Variants in ITGAL observed in about 807,000 individuals in gnomAD.
The protein encoded by ITGAL is integrin alpha-L.
A neutral mutation model predicts 138.4 loss-of-function variants in ITGAL; 68 were observed. That is an observed-to-expected ratio of 0.49 (90% CI 0.40 to 0.60). The LOEUF is 0.60. ITGAL is among the 20% of genes least tolerant of loss of function. The probability of loss-of-function intolerance (pLI) is 0.00; values close to 1 mark genes in which losing one functional copy is unlikely to be tolerated. For missense variants in ITGAL, 1,256 were observed against 1,478.6 expected, an observed-to-expected ratio of 0.85 and a Z score of 2.47; for synonymous variants, 561 against 584.3, an observed-to-expected ratio of 0.96 and a Z score of 0.57.
At position 30,499,711 on chromosome 16, in the gene ITGAL, A is replaced by ATATATATG. The variant is rs1555507156; in HGVS notation, c.2145+223_2145+224insATATATGT. The stretch of plus-strand genomic sequence containing the variant: ...TGTATATATATGTGTATATATATAT[A>ATATATATG]TGTATATATATATATATATATATTT... On this transcript the variant is annotated intron_variant, in intron 17 of 30. Transcript: ENST00000356798. 1.1e-4 allele frequency among the ~76,000 whole-genome samples: 10 copies of ATATATATG among 93,828 alleles called. No homozygotes were observed. In the East Asian group the frequency reaches 5.9e-3, roughly 55 times the overall value. The allele number at this position is 93,828 out of a possible 152,430, so 61.6% of individuals were successfully genotyped here. A position where few individuals can be genotyped will look rare whatever the true frequency, so the allele number is the denominator to read the frequency against.
chr16:30,482,039 G>A (rs538119348), intron 7 of ITGAL, among the ~76,000 whole-genome samples: 15 of 152,170 alleles, frequency 9.9e-5, no homozygotes, highest in Admixed American at 7.2e-4. Flanking sequence ...TTACAGACCT[G>A]TGCCACCACG....
At chr16:30,485,451 T>TCCC (rs2050633073) in intron 9 of ITGAL, among the ~76,000 whole-genome samples, 1 of 152,152 alleles carries the variant, frequency 6.6e-6, no homozygotes, top group Admixed American at 6.6e-5. Flanking sequence ...GATCTCGATC[T>TCCC]GACCTCGTGA....
chr16:30,477,328 G>T, intron 4 of ITGAL: 2 of 152,196 alleles, frequency 1.3e-5, no homozygotes, highest in South Asian at 4.1e-4. Context: ...AAAGCTGGAG[G>T]ATTGCTTGAG....
Position 30,494,287 on chromosome 16 carries a change from T to A in ITGAL, c.1289T>A (p.Met430Lys), listed in dbSNP as rs780445782. The A allele has an allele frequency of 1.1e-5, 17 of 1,613,488 alleles. No homozygotes were observed. The highest frequency in any genetic ancestry group is 1.3e-5 in the African/African-American group (1 of 74,908). The part of the protein sequence containing the change: ...LASGAPRYQH[M>K]GRVLLFQEPQ... The stretch of plus-strand genomic sequence containing the variant: ...TCGGGAGCCCCTCGATACCAGCACA[T>A]GGGCCGAGTGCTGCTGTTCCAAGAG... Residue 430 changes from methionine to lysine, a missense_variant, in exon 12 of 31, where the codon ATG becomes AAG. Physicochemically the swap from Met to Lys is moderately conservative, Grantham distance 95. Coordinates refer to ENST00000356798, the MANE Select transcript of ITGAL (RefSeq NM_002209.3). This position sits in a 1 kb window ranked among gnomAD's most constrained non-coding sequence, Gnocchi z 4.2.
At chr16:30,505,331 C>T in intron 19 of ITGAL, 31 bp downstream of exon 19, 1 of 1,613,184 alleles carries the variant, frequency 6.2e-7, no homozygotes, top group South Asian at 1.1e-5. Context: ...GGCAGAGAGG[C>T]CTGGGAACAA....
chr16:30,504,490 G>A (rs780069555), intron 18 of ITGAL, among the ~76,000 whole-genome samples: 3 of 151,968 alleles, frequency 2.0e-5, no homozygotes, highest in African/African-American at 7.3e-5. Context: ...TGCACTTGAG[G>A]CCAGGAGTTT....
chr16:30,473,826 G>T, intron 1 of ITGAL: 1 of 431,972 alleles, frequency 2.3e-6, no homozygotes, highest in Non-Finnish European at 4.6e-6. Flanking sequence ...CAGGAGAAGT[G>T]GGTGGCAGAG....
chr16:30,492,256 T>C (rs1285113472), intron 11 of ITGAL, among the ~76,000 whole-genome samples: 5 of 9,884 alleles, frequency 5.1e-4, no homozygotes, highest in Non-Finnish European at 6.4e-4. Context: ...CTTTTTTTTC[T>C]TTTTTTTTTT....
In ITGAL at chr16:30,506,813, A is replaced by G. The variant is rs1185635136; in HGVS notation, c.2465A>G (p.His822Arg). The G allele has an allele frequency of 6.2e-7, 1 of 1,613,680 alleles. No homozygotes were observed. Among genetic ancestry groups the G allele is most frequent in the East Asian group, 2.2e-5 (1 of 44,874 alleles). The change falls in exon 21 of 31, where the codon CAC (histidine) becomes CGC (arginine). Residue 822 changes from histidine to arginine, a missense_variant. By Grantham distance (29) the His-to-Arg change is conservative. Around this residue, in one of 3 missense-constraint regions of ITGAL, gnomAD observed 867 missense variants for 972.5 expected, o/e 0.89. Transcript: ENST00000356798. ...GCTTACTGGGTCCAGCTGGACCTGCACTTCCCCCCGGGACTCTCCTTCCGC... is the reference window on the plus strand; with the variant it reads ...GCTTACTGGGTCCAGCTGGACCTGCGCTTCCCCCCGGGACTCTCCTTCCGC... ...EDAYWVQLDL[H>R]FPPGLSFRKV...
chr16:30,507,640 ACT>A (rs2051023808), intron 21 of ITGAL, among the ~76,000 whole-genome samples: 1 of 150,104 alleles, frequency 6.7e-6, no homozygotes, highest in Non-Finnish European at 1.5e-5. Context: ...ATAGAGCAAG[ACT>A]CCATCTCAAA....
chr16:30,507,004 G>C (rs377109140), intron 21 of ITGAL, 148 bp downstream of exon 21: 6 of 825,940 alleles, frequency 7.3e-6, no homozygotes, highest in Non-Finnish European at 3.8e-6. Flanking sequence ...TCCCAGCCTC[G>C]AGCTGTATGA....
intron 11 of ITGAL, among the ~76,000 whole-genome samples, chr16:30,493,344 A>C (rs907505585): frequency 6.6e-6 from 1 of 151,146 alleles, no homozygotes; most frequent in Non-Finnish European, 1.5e-5. Context: ...TAGTAGCGAA[A>C]TCTCAGCTCG....
At position 30,517,042 on chromosome 16, in the gene ITGAL, C is replaced by T. The variant is rs1183810811; in HGVS notation, c.2932C>T (p.Pro978Ser). 6.2e-7 allele frequency: 1 copy of T among 1,613,438 alleles called. No homozygotes were observed. The highest frequency in any genetic ancestry group is 8.5e-7 in the Non-Finnish European group (1 of 1,179,612). Residue 978 changes from proline (P) to serine (S), a missense_variant, in exon 26 of 31, where the codon CCT becomes TCT. This residue lies in a region of ITGAL where 867 missense variants were observed against 972.5 expected (regional missense o/e 0.89). Transcript: ENST00000356798. ...TLEAVVGVPQ[P>S]PSEGPITHQW... is the part of the protein sequence containing the mutation. ...GGAGGCTGTGGTTGGGGTGCCACAG[C>T]CTCCCAGCGAGGGGCCCATCACACA...
intron 17 of ITGAL, among the ~76,000 whole-genome samples, chr16:30,500,862 C>G (rs912969639): frequency 1.3e-5 from 2 of 151,998 alleles, no homozygotes; most frequent in Non-Finnish European, 2.9e-5. Context: ...AAATTAGCTG[C>G]GTGTGTTGGC....
intron 11 of ITGAL, among the ~76,000 whole-genome samples, chr16:30,490,298 T>A (rs979340285): frequency 3.5e-5 from 5 of 144,650 alleles, no homozygotes; most frequent in African/African-American, 1.0e-4. Flanking sequence ...CTCAGCCACC[T>A]CCTTTGTCTA....
In ITGAL at chr16:30,476,477, C is replaced by G. The variant is rs1189626381; in HGVS notation, c.327+897C>G. ...TGGCTTATTAGAAAAAAATATATGA[C>G]AAGCACATCAAATTTATAATTTCTT... On this transcript the variant is annotated intron_variant, in intron 4 of 30. Transcript: ENST00000356798. 2.6e-5 allele frequency among the ~76,000 whole-genome samples: 4 copies of G among 152,076 alleles called. No homozygotes were observed. The East Asian group carries it at 7.7e-4, about 29-fold the overall frequency.
chr16:30,491,588 T>C (rs969485295), intron 11 of ITGAL, among the ~76,000 whole-genome samples: 3 of 151,932 alleles, frequency 2.0e-5, no homozygotes, highest in Non-Finnish European at 4.4e-5. Context: ...TATATACATG[T>C]CTTATTTAAC....
intron 17 of ITGAL, among the ~76,000 whole-genome samples, chr16:30,502,086 A>G (rs2050907928): frequency 6.6e-6 from 1 of 152,070 alleles, no homozygotes; most frequent in African/African-American, 2.4e-5. Context: ...GTTGCTTATA[A>G]GCAATCCTGT....
intron 29 of ITGAL, among the ~76,000 whole-genome samples, chr16:30,519,174 G>T (rs956141080): frequency 6.6e-6 from 1 of 152,114 alleles, no homozygotes; most frequent in African/African-American, 2.4e-5. Flanking sequence ...AGTGAGCTGA[G>T]ATCCCACCAT....
Sources: allele counts gnomAD v4.1 joint callset (sites outside exome capture counted in the v4.1 genomes callset), GRCh38; gene constraint gnomAD v4.1.1; regional missense constraint gnomAD v4.1.1; non-coding constraint Gnocchi (gnomAD v3.1); transcripts MANE v1.5; gene names NCBI Gene and HGNC (gene_info 2026-07-23, HGNC 2026-07-21).